The following SSBP3 variants were observed in gnomAD, a reference collection of about 807,000 sequenced individuals.
SSBP3 encodes the protein single-stranded DNA-binding protein 3.
In SSBP3, 5 loss-of-function variants were observed where a neutral mutation model predicts 69.6. The ratio of observed to expected loss-of-function variants is 0.07; its 90% CI spans 0.04 to 0.15. The LOEUF is 0.15. Ranked by LOEUF, SSBP3 falls within the 10% of genes least tolerant of loss-of-function variation. SSBP3 has a pLI of 1.00. For missense variants in SSBP3, 312 were observed against 534.0 expected (o/e 0.58, Z 4.10); for synonymous variants, 196 against 193.4 (o/e 1.01, Z -0.11).
chr1:54,386,682 A>ATTTTTTTTTTTTTTTTT, intron 4 of SSBP3, among the ~76,000 whole-genome samples: 1 of 55,052 alleles, frequency 1.8e-5, no homozygotes, highest in Admixed American at 2.1e-4. Flanking sequence ...AACTGATCCT[A>ATTTTTTTTTTTTTTTTT]CTTTTTTTTT....
At chr1:54,240,075 TGTGTGTGTGTGTGCGCGC>T (rs1315693912) in intron 13 of SSBP3, among the ~76,000 whole-genome samples, 49 of 26,712 alleles carry the variant, frequency 1.8e-3, no homozygotes, top group African/African-American at 9.1e-3. Context: ...TGTGTGTGTG[TGTGTGTGTGTGTGCGCGC>T]GCGCGCGTGT....
intron 4 of SSBP3, among the ~76,000 whole-genome samples, chr1:54,383,822 A>C (rs1647865811): frequency 6.6e-6 from 1 of 151,604 alleles, no homozygotes; most frequent in Non-Finnish European, 1.5e-5. Flanking sequence ...AAAAGCAAGA[A>C]CCGGCCGGGC....
intron 4 of SSBP3, among the ~76,000 whole-genome samples, chr1:54,311,484 C>T (rs1646000665): frequency 6.6e-6 from 1 of 152,168 alleles, no homozygotes; most frequent in South Asian, 2.1e-4. Context: ...CCTCCAGGGA[C>T]AATGGAGGTA....
intron 4 of SSBP3, among the ~76,000 whole-genome samples, chr1:54,303,135 C>T (rs1165822868): frequency 1.3e-5 from 2 of 152,214 alleles, no homozygotes; most frequent in Non-Finnish European, 2.9e-5. Context: ...TTACACAGCA[C>T]AAAGGGTGAG....
chr1:54,404,331 T>G (rs573846359), intron 3 of SSBP3, among the ~76,000 whole-genome samples: 2 of 152,284 alleles, frequency 1.3e-5, no homozygotes, highest in African/African-American at 4.8e-5. Flanking sequence ...AATGTAAAAG[T>G]AAGGAGTTTC....
chr1:54,406,230 C>G (rs1202476397), exon 1 of SSBP3: 1 of 391,442 alleles, frequency 2.6e-6, no homozygotes, highest in Admixed American at 4.7e-5. Flanking sequence ...GCGGCCCCAT[C>G]GCCCTGGAAC....
chr1:54,229,287 G>A (rs778447146), intron 14 of SSBP3, among the ~76,000 whole-genome samples: 2 of 152,250 alleles, frequency 1.3e-5, no homozygotes, highest in East Asian at 1.9e-4. Context: ...CTTTGCTTGA[G>A]GTCCCAGAGG....
At chr1:54,359,710 A>AAT (rs1376093856) in intron 4 of SSBP3, among the ~76,000 whole-genome samples, 1 of 152,196 alleles carries the variant, frequency 6.6e-6, no homozygotes, top group African/African-American at 2.4e-5. Context: ...TAAAAACTCC[A>AAT]ATGTTTAGGG....
At chr1:54,256,063 G>A (rs949260155) in intron 7 of SSBP3, among the ~76,000 whole-genome samples, 25 of 151,614 alleles carry the variant, frequency 1.6e-4, no homozygotes, top group Non-Finnish European at 2.9e-4. Flanking sequence ...GAGACAGAGC[G>A]AGACTCCGGT....
At chr1:54,290,661 C>T (rs1645588030) in intron 4 of SSBP3, among the ~76,000 whole-genome samples, 1 of 152,114 alleles carries the variant, frequency 6.6e-6, no homozygotes. Flanking sequence ...GAGGTGGAGC[C>T]CCATGTATTT....
intron 4 of SSBP3, among the ~76,000 whole-genome samples, chr1:54,359,921 G>A (rs1380050170): frequency 6.6e-6 from 1 of 151,848 alleles, no homozygotes; most frequent in Non-Finnish European, 1.5e-5. Flanking sequence ...ATCATGGGTT[G>A]ATAATCACCA....
intron 4 of SSBP3, among the ~76,000 whole-genome samples, chr1:54,286,140 A>T (rs1338939620): frequency 2.6e-5 from 4 of 152,038 alleles, no homozygotes; most frequent in Non-Finnish European, 5.9e-5. Context: ...CTACCGAGAG[A>T]CCTGTTATCT....
At chr1:54,412,739 G>C (rs1447075437) in intron 1 of SSBP3, 1 of 152,058 alleles carries the variant, frequency 6.6e-6, no homozygotes, top group East Asian at 1.9e-4. Flanking sequence ...TTTTGAGACA[G>C]AGTCTTGCTG....
chr1:54,373,008 T>A (rs1035202873), intron 4 of SSBP3, among the ~76,000 whole-genome samples: 1 of 152,162 alleles, frequency 6.6e-6, no homozygotes, highest in Non-Finnish European at 1.5e-5. Flanking sequence ...TTATATAATT[T>A]CCCCATGGCT....
intron 4 of SSBP3, among the ~76,000 whole-genome samples, chr1:54,354,365 C>A (rs954307097): frequency 6.6e-6 from 1 of 152,176 alleles, no homozygotes; most frequent in Non-Finnish European, 1.5e-5. Flanking sequence ...AAAACATAAG[C>A]CAATGCTGGG....
chr1:54,262,118 CCT>C (rs1245481796), intron 5 of SSBP3, among the ~76,000 whole-genome samples: 3 of 152,164 alleles, frequency 2.0e-5, no homozygotes, highest in African/African-American at 4.8e-5. Flanking sequence ...TGGCTCTGCC[CCT>C]GACTGCATTT....
intron 4 of SSBP3, among the ~76,000 whole-genome samples, chr1:54,384,350 C>T (rs939599345): frequency 1.3e-5 from 2 of 152,174 alleles, no homozygotes; most frequent in African/African-American, 2.4e-5. Context: ...GTTCTAAGGG[C>T]GTTAAGACTT....
At chr1:54,369,072 C>G (rs1647077001) in intron 4 of SSBP3, among the ~76,000 whole-genome samples, 1 of 152,212 alleles carries the variant, frequency 6.6e-6, no homozygotes, top group Admixed American at 6.5e-5. Flanking sequence ...CCACGTAAGA[C>G]TTCATTTAAA....
chr1:54,381,775 A>G (rs1385442829), intron 4 of SSBP3, among the ~76,000 whole-genome samples: 1 of 152,264 alleles, frequency 6.6e-6, no homozygotes, highest in Non-Finnish European at 1.5e-5. Context: ...GCAGTGAGAC[A>G]GGGTGCTGGG....
Sources: allele counts gnomAD v4.1 joint callset (sites outside exome capture counted in the v4.1 genomes callset), GRCh38; gene constraint gnomAD v4.1.1; transcripts MANE v1.5; gene names NCBI Gene and HGNC (gene_info 2026-07-23, HGNC 2026-07-21).